The following MAP3K9 variants were observed in gnomAD, a reference collection of about 807,000 sequenced individuals.
MAP3K9 encodes mitogen-activated protein kinase kinase kinase 9.
In MAP3K9, 46 loss-of-function variants were observed where a neutral mutation model predicts 95.8. The ratio of observed to expected loss-of-function variants is 0.48; its 90% CI spans 0.38 to 0.61. The LOEUF (loss-of-function observed/expected upper bound fraction) is 0.61, where lower values mean the gene tolerates loss of function less well. Ranked by LOEUF, MAP3K9 falls within the 20% of genes least tolerant of loss-of-function variation. The probability of loss-of-function intolerance (pLI) is 0.00; values close to 1 mark genes in which losing one functional copy is unlikely to be tolerated. For missense variants in MAP3K9, 1,296 were observed against 1,474.3 expected, an observed-to-expected ratio of 0.88 and a Z score of 1.98; for synonymous variants, 533 against 593.8, an observed-to-expected ratio of 0.90 and a Z score of 1.49.
At chr14:70,760,644 C>T (rs554935776) in intron 3 of MAP3K9, among the ~76,000 whole-genome samples, 1 of 152,304 alleles carries the variant, frequency 6.6e-6, no homozygotes, top group South Asian at 2.1e-4. Flanking sequence ...CCTAGCATTG[C>T]TGAGCAAGCC....
At position 70,793,950 on chromosome 14, in the gene MAP3K9, G is replaced by C. The variant is rs866070388; in HGVS notation, c.820+6717C>G. On this transcript the variant is annotated intron_variant, in intron 2 of 11. Transcript: ENST00000554752. ...TGCAGCCATTAGACCAGGGGTTCTA[G>C]TCTCTTGTCACTCCAATATTCTTCT... is the stretch of plus-strand genomic sequence containing the variant. Among the ~76,000 whole-genome samples the C allele has an allele frequency of 1.2e-4, 19 of 152,318 alleles. No individual in the cohort carries two copies. The South Asian group carries it at 1.7e-3, about 13-fold the overall frequency.
intron 2 of MAP3K9, among the ~76,000 whole-genome samples, chr14:70,780,470 A>C (rs2054660261): frequency 6.6e-6 from 1 of 152,144 alleles, no homozygotes; most frequent in Non-Finnish European, 1.5e-5. Flanking sequence ...CTCATGATTA[A>C]AACAGAAGAA....
At chr14:70,773,395 G>C (rs2054555728) in intron 2 of MAP3K9, among the ~76,000 whole-genome samples, 2 of 152,180 alleles carry the variant, frequency 1.3e-5, no homozygotes, top group Non-Finnish European at 2.9e-5. Flanking sequence ...CAGCATATCA[G>C]GGAAGGACTA....
intron 2 of MAP3K9, among the ~76,000 whole-genome samples, chr14:70,791,244 AGG>A (rs1259555734): frequency 6.6e-6 from 1 of 152,170 alleles, no homozygotes; most frequent in Non-Finnish European, 1.5e-5. Context: ...CCCCTCACCA[AGG>A]CTGTTTTCTG....
chr14:70,764,531 T>TA (rs918299925), intron 2 of MAP3K9, among the ~76,000 whole-genome samples: 138 of 145,316 alleles, frequency 9.5e-4, no homozygotes, highest in Non-Finnish European at 1.2e-3. Flanking sequence ...CCAGGCTCTT[T>TA]AAAAAAAAAA....
intron 1 of MAP3K9, among the ~76,000 whole-genome samples, chr14:70,806,399 G>C (rs1176837040): frequency 3.9e-5 from 6 of 152,096 alleles, no homozygotes; most frequent in African/African-American, 1.4e-4. Context: ...ATTAGTTTTT[G>C]ACTGAAACTA....
chr14:70,732,986 C>G lies in MAP3K9; in HGVS notation c.2383G>C (p.Glu795Gln). The G allele has an allele frequency of 6.2e-7, 1 of 1,614,166 alleles. No homozygotes were observed. The change falls in exon 11 of 12, where the codon GAG (glutamate) becomes CAG (glutamine). Residue 795 changes from glutamate to glutamine, a missense_variant. Transcript: ENST00000554752. ...CGGCTGGACCTCTGAAAAAGACCCT[C>G]CCGTCTTTTCTTCTCCTCCCGGGCT... ...PPAREEKKRREGLFQRSSRPR... is the reference protein window; with the variant it reads ...PPAREEKKRRQGLFQRSSRPR...
chr14:70,774,897 T>C lies in MAP3K9; in HGVS notation c.821-13715A>G, dbSNP rs568397603. Reference sequence around the variant, plus strand: ...CTACTTGGGAAGCTGGGGAAGAGAATCACTTGAATCTGGGAGGGAGAGGTT... The same window carrying C: ...CTACTTGGGAAGCTGGGGAAGAGAACCACTTGAATCTGGGAGGGAGAGGTT... On this transcript the variant is annotated intron_variant, in intron 2 of 11. Transcript: ENST00000554752. 1.1e-4 allele frequency among the ~76,000 whole-genome samples: 14 copies of C among 131,994 alleles called. No individual in the cohort carries two copies. The East Asian group carries it at 3.1e-3, about 30-fold the overall frequency. 86.6% of individuals were successfully genotyped at this position (131,994 alleles called of 152,430 possible).
intron 2 of MAP3K9, among the ~76,000 whole-genome samples, chr14:70,786,800 A>G (rs925832543): frequency 2.6e-5 from 4 of 152,214 alleles, no homozygotes; most frequent in African/African-American, 9.6e-5. Context: ...AGCAAAAAAG[A>G]AAGTCAAGAA....
At chr14:70,788,723 T>C (rs935874298) in intron 2 of MAP3K9, among the ~76,000 whole-genome samples, 2 of 152,166 alleles carry the variant, frequency 1.3e-5, no homozygotes, top group Non-Finnish European at 2.9e-5. Context: ...TTATCAAAAC[T>C]ATAAACATTT....
chr14:70,761,074 G>A lies in MAP3K9; in HGVS notation c.929C>T (p.Ala310Val). 6.2e-7 allele frequency: 1 copy of A among 1,614,110 alleles called. No homozygotes were observed. Among genetic ancestry groups the A allele is most frequent in the East Asian group, 2.2e-5 (1 of 44,892 alleles). ...GGGTGCCATCCAAGCATACGTCCCT[G>A]CCGCACTCATCTTGGTGGTTCGGTG... ...EWHRTTKMSA[A>V]GTYAWMAPEV... is the part of the protein sequence containing the mutation. The change falls in exon 3 of 12, where the codon GCA becomes GTA. Residue 310 changes from alanine to valine, a missense_variant. Physicochemically the swap from Ala to Val is moderately conservative, Grantham distance 64. This residue lies in a region of MAP3K9 where 136 missense variants were observed against 221.5 expected (regional missense o/e 0.61). Coordinates refer to ENST00000554752, the MANE Select transcript of MAP3K9 (RefSeq NM_001284230.2).
At chr14:70,775,015 A>AAAAAAAAAAAAAAAAC (rs1491262010) in intron 2 of MAP3K9, among the ~76,000 whole-genome samples, 1 of 126,192 alleles carries the variant, frequency 7.9e-6, no homozygotes, top group African/African-American at 3.0e-5. Context: ...AAAAAAAAAA[A>AAAAAAAAAAAAAAAAC]GATATAATAG....
Position 70,740,097 on chromosome 14 carries a change from G to A in MAP3K9, c.1635C>T (p.Ser545=), listed in dbSNP as rs752422781. 1 of 1,614,084 alleles carries A rather than the reference G, an allele frequency of 6.2e-7. No individual in the cohort carries two copies. The highest frequency in any genetic ancestry group is 1.3e-5 in the African/African-American group (1 of 74,934). ...TGGGGCTTGCAGGAGGACTGGAGCG[G>A]CTGTTGATAAGACTCTTCCTTTTAT... ...TMDKRKSLIN[S]RSSPPASPTI... The change falls in exon 7 of 12, where the codon AGC becomes AGT. Residue 545 remains serine, a synonymous_variant. Coordinates refer to ENST00000554752, the MANE Select transcript of MAP3K9 (RefSeq NM_001284230.2).
intron 2 of MAP3K9, among the ~76,000 whole-genome samples, chr14:70,774,734 C>T (rs570917223): frequency 7.9e-5 from 12 of 152,038 alleles, no homozygotes; most frequent in East Asian, 1.9e-4. Context: ...CGCCTGTAAT[C>T]CCAGCACTGT....
chr14:70,743,028 C>T (rs1219455736), intron 5 of MAP3K9, among the ~76,000 whole-genome samples: 1 of 151,404 alleles, frequency 6.6e-6, no homozygotes, highest in East Asian at 1.9e-4. Flanking sequence ...ATTCTGTCAC[C>T]CACGTTGGAG....
chr14:70,749,027 C>G (rs1418645898), intron 4 of MAP3K9, 23 bp from the exon 5 acceptor site: 1 of 1,598,684 alleles, frequency 6.3e-7, no homozygotes, highest in Admixed American at 1.7e-5. Flanking sequence ...TGTGAATACT[C>G]AGAAAGCATG....
Position 70,730,433 on chromosome 14 carries a change from G to C in MAP3K9, c.3262C>G (p.Leu1088Val), listed in dbSNP as rs755302161. 13 of 1,614,080 alleles carry C rather than the reference G, an allele frequency of 8.1e-6. No homozygotes were observed. The stretch of plus-strand genomic sequence containing the variant: ...TAAGGGGCAGGCCTGTGTGTGTTCA[G>C]TTCCGCTCTGCACAGCGGCACGGTG... ...DSTVPLCRAELNTHRPAPYEI... is the reference protein window; with the variant it reads ...DSTVPLCRAEVNTHRPAPYEI... The change falls in exon 12 of 12, where the codon CTG becomes GTG. Residue 1088 changes from leucine to valine, a missense_variant. This residue lies in a region of MAP3K9 where 433 missense variants were observed against 441.4 expected (regional missense o/e 0.98). Transcript: ENST00000554752.
At chr14:70,806,639 GT>G (rs1210058819) in intron 1 of MAP3K9, among the ~76,000 whole-genome samples, 7 of 152,194 alleles carry the variant, frequency 4.6e-5, no homozygotes, top group Non-Finnish European at 1.0e-4. Context: ...AAATGAAAAA[GT>G]AGCACGCTGT....
Position 70,733,325 on chromosome 14 carries a change from C to T in MAP3K9, c.2044G>A (p.Gly682Ser). Reference sequence around the variant, plus strand: ...AGGCGACTCTCTCCACTCCCTGGGCCTTCACTGTCCTCATCCTCTGTGAAG... The same window carrying T: ...AGGCGACTCTCTCCACTCCCTGGGCTTTCACTGTCCTCATCCTCTGTGAAG... The part of the protein sequence containing the change: ...LMEMEDEDSE[G>S]PGSGESRLQH... The change falls in exon 11 of 12, where the codon GGC (glycine) becomes AGC (serine). Residue 682 changes from glycine to serine, a missense_variant. Physicochemically the swap from Gly to Ser is moderately conservative, Grantham distance 56. This residue lies in a region of MAP3K9 where 377 missense variants were observed against 417.1 expected (regional missense o/e 0.90). Transcript: ENST00000554752. 7.2e-7 allele frequency: 1 copy of T among 1,383,546 alleles called. No individual in the cohort carries two copies. Among genetic ancestry groups the T allele is most frequent in the Non-Finnish European group, 1.0e-6 (1 of 991,338 alleles). The allele number at this position is 1,383,546 out of a possible 1,614,324, so 85.7% of individuals were successfully genotyped here.
Sources: allele counts gnomAD v4.1 joint callset (sites outside exome capture counted in the v4.1 genomes callset), GRCh38; gene constraint gnomAD v4.1.1; regional missense constraint gnomAD v4.1.1; transcripts MANE v1.5; gene names NCBI Gene and HGNC (gene_info 2026-07-23, HGNC 2026-07-21).